The following SNX6 variants were observed in gnomAD, a reference collection of about 807,000 sequenced individuals.
SNX6 encodes the protein sorting nexin 6, also known as sorting nexin-6.
In SNX6, 34 loss-of-function variants were observed where a neutral mutation model predicts 63.0. The observed-to-expected ratio is 0.54, with a 90% CI of 0.41 to 0.72. The LOEUF is 0.72. SNX6 is among the 30% of genes least tolerant of loss of function. The pLI, the probability that SNX6 is intolerant of heterozygous loss-of-function variation, is 0.00. For missense variants in SNX6, 398 were observed against 471.4 expected, an observed-to-expected ratio of 0.84 and a Z score of 1.44; for synonymous variants, 170 against 164.2, an observed-to-expected ratio of 1.04 and a Z score of -0.27.
In SNX6 at chr14:34,619,445, TAGAG is replaced by T. The variant is rs368306371; in HGVS notation, c.55-9707_55-9704del. On this transcript the variant is annotated intron_variant, in intron 2 of 13. Transcript: ENST00000362031. ...TCAAAAAAATATATATATATATATT[TAGAG>T]AGAGAGAGAGAGAGAGAGATAGAAT... 7.0e-3 allele frequency among the ~76,000 whole-genome samples: 1,032 copies of T among 148,216 alleles called. 17 individuals carry two copies. In the East Asian group the frequency reaches 0.075, roughly 11 times the overall value.
rs370787196 is a variant in SNX6 at position 34,623,949 on chromosome 14, G to A, written c.54+5958C>T. 1.2e-4 allele frequency among the ~76,000 whole-genome samples: 18 copies of A among 152,194 alleles called. No homozygotes were observed. The East Asian group carries it at 2.7e-3, about 23-fold the overall frequency. ...AAAAAAAATGTGTCCAATTCAAAGG[G>A]CTCATTTGTGTACTAAATAATATGT... is the stretch of plus-strand genomic sequence containing the variant. On this transcript the variant is annotated intron_variant, in intron 2 of 13. Transcript: ENST00000362031.
In SNX6 at chr14:34,568,868, C is replaced by T. The variant is rs553213561; in HGVS notation, c.922-855G>A. ...CCTCGGCTAAAGTGGCCAGGCATGC[C>T]GCCACTTCTCTGACATCCCCCATAG... On this transcript the variant is annotated intron_variant, in intron 11 of 13. Transcript: ENST00000362031. The T allele has an allele frequency of 7.5e-5, 83 of 1,111,976 alleles. No homozygotes were observed. The East Asian group carries it at 1.8e-3, about 24-fold the overall frequency. 68.9% of individuals were successfully genotyped at this position (1,111,976 alleles called of 1,614,324 possible). A position where few individuals can be genotyped will look rare whatever the true frequency, so the allele number is the denominator to read the frequency against.
chr14:34,622,452 G>A lies in SNX6; in HGVS notation c.54+7455C>T, dbSNP rs559317247. Reference sequence around the variant, plus strand: ...AAAGAAATTAGCTGGGCGTGGTGGCGGGCACCTGTAGTCCCAGCTACTCGG... The same window carrying A: ...AAAGAAATTAGCTGGGCGTGGTGGCAGGCACCTGTAGTCCCAGCTACTCGG... On this transcript the variant is annotated intron_variant, in intron 2 of 13. Transcript: ENST00000362031. Among the ~76,000 whole-genome samples the A allele has an allele frequency of 4.0e-4, 60 of 151,514 alleles. 1 individual carries two copies. The highest frequency in any genetic ancestry group is 1.3e-3 in the African/African-American group (53 of 41,346).
intron 11 of SNX6, chr14:34,568,972 C>T: frequency 7.0e-7 from 1 of 1,421,524 alleles, no homozygotes; most frequent in Non-Finnish European, 9.9e-7. Flanking sequence ...CGTGTACAAC[C>T]AGTTCTCATC....
chr14:34,586,389 TA>T (rs1417339717), intron 8 of SNX6, 84 bp from the exon 9 acceptor site: 9 of 805,708 alleles, frequency 1.1e-5, no homozygotes, highest in Non-Finnish European at 1.8e-5. Context: ...AAACAATGTG[TA>T]ATATGAGACA....
At chr14:34,571,666 A>G (rs920140513) in intron 11 of SNX6, among the ~76,000 whole-genome samples, 2 of 152,200 alleles carry the variant, frequency 1.3e-5, no homozygotes, top group African/African-American at 2.4e-5. Context: ...AATACTGTGT[A>G]TAATATTATA....
intron 2 of SNX6, among the ~76,000 whole-genome samples, chr14:34,621,951 C>T (rs1317990098): frequency 5.2e-5 from 4 of 77,420 alleles, no homozygotes; most frequent in African/African-American, 1.2e-4. Flanking sequence ...CATGTCTTTC[C>T]TTTTTTTTTT....
chr14:34,569,562 G>A (rs1881350522), intron 11 of SNX6, among the ~76,000 whole-genome samples: 1 of 152,186 alleles, frequency 6.6e-6, no homozygotes, highest in South Asian at 2.1e-4. Flanking sequence ...GAGTAGCTGG[G>A]ACTACAGGCG....
At chr14:34,563,906 T>C (rs1881049599) in intron 13 of SNX6, among the ~76,000 whole-genome samples, 1 of 152,118 alleles carries the variant, frequency 6.6e-6, no homozygotes, top group Non-Finnish European at 1.5e-5. Flanking sequence ...GCTCAGCTAA[T>C]TTTTGTATTT....
intron 2 of SNX6, among the ~76,000 whole-genome samples, chr14:34,615,781 T>C (rs1566490989): frequency 6.6e-6 from 1 of 152,156 alleles, no homozygotes; most frequent in Non-Finnish European, 1.5e-5. Flanking sequence ...ATAGGACTTA[T>C]GACTGGCCTA....
chr14:34,568,634 GTTTTTTT>G, intron 11 of SNX6: 1 of 625,080 alleles, frequency 1.6e-6, no homozygotes. Flanking sequence ...CACTCAGCCT[GTTTTTTT>G]TTTTTTTTTA....
intron 13 of SNX6, among the ~76,000 whole-genome samples, chr14:34,565,457 C>CA: frequency 6.6e-6 from 1 of 152,116 alleles, no homozygotes. Flanking sequence ...ACTACAAAAG[C>CA]AGGTGGGCTG....
intron 9 of SNX6, among the ~76,000 whole-genome samples, chr14:34,583,437 C>CTTTTTT (rs34703258): frequency 1.9e-5 from 2 of 108,048 alleles, no homozygotes; most frequent in Non-Finnish European, 4.1e-5. Context: ...TCATTTTTTT[C>CTTTTTT]TTTTTTTTTT....
At chr14:34,613,765 C>G (rs1200142262) in intron 2 of SNX6, among the ~76,000 whole-genome samples, 1 of 151,850 alleles carries the variant, frequency 6.6e-6, no homozygotes, top group Non-Finnish European at 1.5e-5. Context: ...TGCACTCCAG[C>G]CTGGGCAAGA....
chr14:34,626,983 C>G (rs762240761), intron 2 of SNX6, among the ~76,000 whole-genome samples: 2 of 152,140 alleles, frequency 1.3e-5, no homozygotes, highest in Non-Finnish European at 2.9e-5. Flanking sequence ...AGTAACTCTG[C>G]TAGTTTCCGC....
chr14:34,565,577 C>T (rs1241030569), intron 13 of SNX6, among the ~76,000 whole-genome samples: 2 of 152,098 alleles, frequency 1.3e-5, no homozygotes, highest in African/African-American at 4.8e-5. Flanking sequence ...AGTGCAGTGG[C>T]GCAATCTTGG....
At chr14:34,621,111 G>A (rs1247715674) in intron 2 of SNX6, among the ~76,000 whole-genome samples, 1 of 151,912 alleles carries the variant, frequency 6.6e-6, no homozygotes, top group Non-Finnish European at 1.5e-5. Context: ...ACCACACCCT[G>A]TTAATTTTTA....
chr14:34,584,762 T>G (rs35104382), intron 9 of SNX6, among the ~76,000 whole-genome samples: 12,871 of 151,260 alleles, frequency 0.085, 627 homozygotes, highest in African/African-American at 0.14. Flanking sequence ...AAAATATATA[T>G]AGAGAGAGAG....
chr14:34,564,049 A>G (rs1881056998), intron 13 of SNX6, among the ~76,000 whole-genome samples: 1 of 150,820 alleles, frequency 6.6e-6, no homozygotes. Flanking sequence ...TTGTTTTGAG[A>G]CAGAGTCTTG....
Sources: allele counts gnomAD v4.1 joint callset (sites outside exome capture counted in the v4.1 genomes callset), GRCh38; gene constraint gnomAD v4.1.1; transcripts MANE v1.5; gene names NCBI Gene and HGNC (gene_info 2026-07-23, HGNC 2026-07-21).